The following ZNF277 variants were observed in gnomAD, a reference collection of about 807,000 sequenced individuals.
ZNF277 encodes nuclear receptor-interacting factor 4.
In ZNF277, 55 loss-of-function variants were observed where a neutral mutation model predicts 60.7. That is an observed-to-expected ratio of 0.91 (90% CI 0.73 to 1.13). The LOEUF (loss-of-function observed/expected upper bound fraction) is 1.13, where lower values mean the gene tolerates loss of function less well. Ranked by LOEUF, ZNF277 falls within the 50% of genes most tolerant of loss-of-function variation. The pLI is 0.00. For synonymous variants in ZNF277, 178 were observed against 179.3 expected (o/e 0.99, Z 0.06); for missense variants, 510 against 523.0 (o/e 0.98, Z 0.24).
At chr7:112,263,770 TG>T (rs368900064) in intron 1 of ZNF277, among the ~76,000 whole-genome samples, 1 of 152,214 alleles carries the variant, frequency 6.6e-6, no homozygotes, top group African/African-American at 2.4e-5. Flanking sequence ...TTTGTGGGTT[TG>T]GTTTTGTTAA....
Position 112,271,701 on chromosome 7 carries a change from AT to A in ZNF277, c.92-15169del, listed in dbSNP as rs148367038. Among the ~76,000 whole-genome samples the A allele has an allele frequency of 8.4e-3, 1,280 of 152,298 alleles. 11 individuals are homozygous for A. The highest frequency in any genetic ancestry group is 0.013 in the Non-Finnish European group (908 of 68,004). ...GGAAATGGAGGACATGAATCTAGTG[AT>A]TTAGTATCTTACTTGCTAGATATGG... On this transcript the variant is annotated intron_variant, in intron 1 of 11. Coordinates refer to ENST00000361822, the MANE Select transcript of ZNF277 (RefSeq NM_021994.3).
At chr7:112,286,835 T>A in intron 1 of ZNF277, 38 bp from the exon 2 acceptor site, 1 of 1,411,842 alleles carries the variant, frequency 7.1e-7, no homozygotes, top group Non-Finnish European at 9.4e-7. Flanking sequence ...CAGCTTTTCT[T>A]TCTTTCTTTT....
At chr7:112,294,343 C>G (rs1429914141) in intron 2 of ZNF277, among the ~76,000 whole-genome samples, 1 of 152,122 alleles carries the variant, frequency 6.6e-6, no homozygotes, top group Non-Finnish European at 1.5e-5. Context: ...TACTTTTTCT[C>G]TATTTATCTG....
At chr7:112,225,424 G>A (rs1822150514) in intron 1 of ZNF277, among the ~76,000 whole-genome samples, 1 of 152,142 alleles carries the variant, frequency 6.6e-6, no homozygotes, top group South Asian at 2.1e-4. Context: ...GACCTCTAAA[G>A]TACAAGGGAT....
chr7:112,309,324 C>T (rs773585879), intron 4 of ZNF277, among the ~76,000 whole-genome samples: 4 of 151,904 alleles, frequency 2.6e-5, no homozygotes, highest in Admixed American at 1.3e-4. Flanking sequence ...TTATAACCAA[C>T]GAATACTTAC....
chr7:112,294,751 T>G (rs1792287623), intron 2 of ZNF277, among the ~76,000 whole-genome samples: 1 of 152,174 alleles, frequency 6.6e-6, no homozygotes, highest in African/African-American at 2.4e-5. Flanking sequence ...CAAATGCCCT[T>G]TCCATAGAGC....
At chr7:112,296,912 A>ATTTATTTATT (rs1563219694) in intron 4 of ZNF277, among the ~76,000 whole-genome samples, 1 of 39,658 alleles carries the variant, frequency 2.5e-5, no homozygotes, top group Non-Finnish European at 6.6e-5. Flanking sequence ...TTATTTATTT[A>ATTTATTTATT]TTTTTTTTTT....
intron 1 of ZNF277, among the ~76,000 whole-genome samples, chr7:112,277,837 T>G (rs938137705): frequency 4.6e-5 from 7 of 152,224 alleles, no homozygotes; most frequent in Non-Finnish European, 8.8e-5. Flanking sequence ...CCAGAATAGA[T>G]ATTGTAAAAA....
chr7:112,256,526 A>C (rs1365942204), intron 1 of ZNF277, among the ~76,000 whole-genome samples: 1 of 143,066 alleles, frequency 7.0e-6, no homozygotes, highest in Non-Finnish European at 1.5e-5. Flanking sequence ...TAAGTGGCTC[A>C]CCTCCACCTC....
At chr7:112,277,558 C>G (rs2117047458) in intron 1 of ZNF277, among the ~76,000 whole-genome samples, 1 of 152,240 alleles carries the variant, frequency 6.6e-6, no homozygotes, top group South Asian at 2.1e-4. Flanking sequence ...ATAGACTAGT[C>G]AATAGCCACT....
chr7:112,325,716 A>T (rs928430627), intron 5 of ZNF277, among the ~76,000 whole-genome samples: 5 of 152,166 alleles, frequency 3.3e-5, no homozygotes, highest in African/African-American at 1.2e-4. Context: ...CTCTTGGTCC[A>T]TTCCAAGGCT....
At position 112,342,569 on chromosome 7, in the gene ZNF277, T is replaced by G. The variant is rs1793464932; in HGVS notation, c.1193T>G (p.Phe398Cys). The G allele has an allele frequency of 1.2e-6, 2 of 1,604,874 alleles. No individual in the cohort carries two copies. The highest frequency in any genetic ancestry group is 8.5e-7 in the Non-Finnish European group (1 of 1,175,980). ...TCTGTGGTTGTTTTCAGGTATTATT[T>G]TCCAACCTATGAAAATGACACTCTC... ...RKTWDQLEYY[F>C]PTYENDTLLC... The change falls in exon 12 of 12, where the codon TTT becomes TGT. Residue 398 changes from phenylalanine to cysteine, a missense_variant. Physicochemically the swap from Phe to Cys is radical, Grantham distance 205. Coordinates refer to ENST00000361822, the MANE Select transcript of ZNF277 (RefSeq NM_021994.3).
intron 1 of ZNF277, among the ~76,000 whole-genome samples, chr7:112,263,270 A>G (rs1262043689): frequency 1.3e-5 from 2 of 152,204 alleles, no homozygotes; most frequent in Non-Finnish European, 2.9e-5. Context: ...AGGAGGGTGT[A>G]TGGGGATTGG....
At chr7:112,295,291 C>G (rs1248796298) in intron 2 of ZNF277, among the ~76,000 whole-genome samples, 1 of 152,156 alleles carries the variant, frequency 6.6e-6, no homozygotes, top group Non-Finnish European at 1.5e-5. Context: ...GCTTCTAACT[C>G]TGCTCATTAG....
At chr7:112,208,010 C>T (rs577773516) in intron 1 of ZNF277, among the ~76,000 whole-genome samples, 1 of 152,182 alleles carries the variant, frequency 6.6e-6, no homozygotes, top group South Asian at 2.1e-4. Flanking sequence ...ATTACGGTTT[C>T]CTAGATTTTC....
intron 1 of ZNF277, among the ~76,000 whole-genome samples, chr7:112,252,423 G>C (rs963710097): frequency 3.9e-5 from 6 of 152,156 alleles, no homozygotes. Flanking sequence ...TCTGTGTGCG[G>C]TACAAGGGTA....
In ZNF277 at chr7:112,330,110, C is replaced by A. The variant is rs1178799343; in HGVS notation, c.695C>A (p.Thr232Asn). 6.2e-7 allele frequency: 1 copy of A among 1,613,278 alleles called. No individual in the cohort carries two copies. Among genetic ancestry groups the A allele is most frequent in the Non-Finnish European group, 8.5e-7 (1 of 1,179,730 alleles). ...TTGCAGTGCTTGTACTGTGAGAAGACCTTCAGGGACAAAAATACACTTAAA... is the reference window on the plus strand; with the variant it reads ...TTGCAGTGCTTGTACTGTGAGAAGAACTTCAGGGACAAAAATACACTTAAA... The part of the protein sequence containing the change: ...DNLQCLYCEK[T>N]FRDKNTLKDH... Residue 232 changes from threonine to asparagine, a missense_variant, in exon 7 of 12, where the codon ACC becomes AAC. Thr to Asn is a moderately conservative substitution (Grantham distance 65, BLOSUM62 0). Coordinates refer to ENST00000361822, the MANE Select transcript of ZNF277 (RefSeq NM_021994.3).
At chr7:112,276,707 G>A (rs1190948720) in intron 1 of ZNF277, among the ~76,000 whole-genome samples, 1 of 152,080 alleles carries the variant, frequency 6.6e-6, no homozygotes, top group Non-Finnish European at 1.5e-5. Context: ...TTATGTAAAG[G>A]TAACATGTTA....
chr7:112,257,907 A>G (rs546425466), intron 1 of ZNF277, among the ~76,000 whole-genome samples: 1 of 152,136 alleles, frequency 6.6e-6, no homozygotes, highest in African/African-American at 2.4e-5. Flanking sequence ...CCGAACTCCT[A>G]GGCTCAAGTG....
Sources: allele counts gnomAD v4.1 joint callset (sites outside exome capture counted in the v4.1 genomes callset), GRCh38; gene constraint gnomAD v4.1.1; transcripts MANE v1.5; gene names NCBI Gene and HGNC (gene_info 2026-07-23, HGNC 2026-07-21).